Variants in RAB27B observed in about 807,000 individuals in gnomAD.
RAB27B encodes the protein RAB27B, member RAS oncogene family.
Under a neutral mutation model 24.6 loss-of-function variants are expected in RAB27B, and 15 were observed. The ratio of observed to expected loss-of-function variants is 0.61; its 90% CI spans 0.41 to 0.94. The LOEUF is 0.94. Ranked by LOEUF, RAB27B falls within the 40% of genes least tolerant of loss-of-function variation. The pLI is 0.00. For synonymous variants in RAB27B, 105 were observed against 92.5 expected (o/e 1.14, Z -0.78); for missense variants, 261 against 266.8 (o/e 0.98, Z 0.15).
intron 2 of RAB27B, among the ~76,000 whole-genome samples, chr18:54,758,121 A>C (rs1908066217): frequency 1.3e-5 from 2 of 152,206 alleles, no homozygotes; most frequent in African/African-American, 4.8e-5. Context: ...TTTTCTAGAC[A>C]ATGTGTTGCC....
intron 2 of RAB27B, among the ~76,000 whole-genome samples, chr18:54,737,252 AG>A (rs1909925105): frequency 6.6e-6 from 1 of 152,182 alleles, no homozygotes; most frequent in South Asian, 2.1e-4. Flanking sequence ...GGATGGGTTA[AG>A]AGTTAAATCT....
chr18:54,841,173 GTGAGA>G (rs1449710052), intron 1 of RAB27B, among the ~76,000 whole-genome samples: 7 of 95,312 alleles, frequency 7.3e-5, no homozygotes, highest in African/African-American at 1.5e-4. Flanking sequence ...GGGGGGTTTG[GTGAGA>G]GGGGCGGGAA....
intron 2 of RAB27B, chr18:54,744,870 GA>G: frequency 4.7e-6 from 1 of 214,406 alleles, no homozygotes; most frequent in Non-Finnish European, 9.9e-6. Context: ...TCTGCAAAAG[GA>G]AAAGTGATGG....
chr18:54,876,754 T>C (rs962844430), intron 1 of RAB27B, among the ~76,000 whole-genome samples: 2 of 152,196 alleles, frequency 1.3e-5, no homozygotes, highest in African/African-American at 4.8e-5. Context: ...CCTGCATGGA[T>C]AGATGCAAAA....
intron 1 of RAB27B, among the ~76,000 whole-genome samples, chr18:54,875,838 A>G (rs1912673915): frequency 6.6e-6 from 1 of 152,278 alleles, no homozygotes; most frequent in South Asian, 2.1e-4. Flanking sequence ...TTCAGTTTTG[A>G]TTGGTGACTA....
chr18:54,799,063 T>C (rs1205606697), intron 2 of RAB27B, among the ~76,000 whole-genome samples: 1 of 152,218 alleles, frequency 6.6e-6, no homozygotes, highest in Non-Finnish European at 1.5e-5. Context: ...GATCTCTTCC[T>C]GGAAACAATT....
intron 1 of RAB27B, among the ~76,000 whole-genome samples, chr18:54,863,991 A>G (rs752525180): frequency 7.2e-5 from 11 of 152,174 alleles, no homozygotes; most frequent in Non-Finnish European, 1.6e-4. Context: ...CAAATCTTTG[A>G]GTGAATATAT....
At chr18:54,869,754 G>T (rs139102664) in intron 1 of RAB27B, among the ~76,000 whole-genome samples, 38 of 152,110 alleles carry the variant, frequency 2.5e-4, no homozygotes, top group Admixed American at 6.5e-4. Context: ...CCACAAATAG[G>T]TTCAAATATA....
chr18:54,757,789 A>G (rs1207535919), intron 2 of RAB27B, among the ~76,000 whole-genome samples: 2 of 152,076 alleles, frequency 1.3e-5, no homozygotes, highest in Non-Finnish European at 2.9e-5. Context: ...GTAAAATTTG[A>G]GAAAGCCTCT....
rs1912829642 is a variant in RAB27B, at chr18:54,879,363, T to C, written c.154-6T>C. The C allele has an allele frequency of 1.2e-6, 2 of 1,606,538 alleles. No individual in the cohort carries two copies. The highest frequency in any genetic ancestry group is 8.5e-7 in the Non-Finnish European group (1 of 1,173,358). On this transcript the variant is annotated splice_region_variant and splice_polypyrimidine_tract_variant and intron_variant, in intron 2 of 5. Transcript: ENST00000262094. ...AACCTCAACTAATGAACGTTGTATC[T>C]TTCAGGTTTATAATGCACAAGGACC...
intron 1 of RAB27B, among the ~76,000 whole-genome samples, chr18:54,848,537 G>T (rs1911429244): frequency 6.6e-6 from 1 of 152,154 alleles, no homozygotes; most frequent in African/African-American, 2.4e-5. Context: ...GTTTATAAAA[G>T]ATATAAACCA....
chr18:54,865,571 T>C (rs1197143190), intron 1 of RAB27B, among the ~76,000 whole-genome samples: 1 of 152,188 alleles, frequency 6.6e-6, no homozygotes, highest in Non-Finnish European at 1.5e-5. Context: ...AGCCAAATTT[T>C]CCCCTTCCTT....
At chr18:54,824,435 G>A (rs886857717), upstream of RAB27B, among the ~76,000 whole-genome samples, 2 of 152,192 alleles carry the variant, frequency 1.3e-5, no homozygotes, top group Non-Finnish European at 2.9e-5. Flanking sequence ...TCTAGCTCAT[G>A]TGGTAGTCCA....
chr18:54,774,145 C>A (rs1272051442), intron 2 of RAB27B, among the ~76,000 whole-genome samples: 1 of 152,194 alleles, frequency 6.6e-6, no homozygotes, highest in Non-Finnish European at 1.5e-5. Flanking sequence ...TACTCTCAAC[C>A]AGCATTCTAC....
rs541150826 is a variant in RAB27B at position 54,828,811 on chromosome 18, T to A, written c.-20+111T>A. ...AGGCCTCTGTGTGTGTGTGTGTGCA[T>A]GTGTGAGTGCGTGTGCACCTTCGAT... On this transcript the variant is annotated intron_variant, in intron 1 of 5. Transcript: ENST00000262094. The A allele has an allele frequency of 4.6e-5, 7 of 152,612 alleles. No homozygotes were observed. The South Asian group carries it at 8.3e-4, about 18-fold the overall frequency. The allele number at this position is 152,612 out of a possible 1,614,324, so 9.5% of individuals were successfully genotyped here.
rs116437933 is a variant in RAB27B at position 54,722,197 on chromosome 18, G to A, written c.-20+4056G>A. On this transcript the variant is annotated intron_variant, in intron 2 of 4. Coordinates refer to the RAB27B transcript ENST00000586570. The stretch of plus-strand genomic sequence containing the variant: ...TTGATTGTTTTACCACTCCTGTACC[G>A]CTTTCTTTAAATTTTTTGGGTGAAT... Among the ~76,000 whole-genome samples the A allele has an allele frequency of 7.8e-3, 1,190 of 152,198 alleles. 19 individuals are homozygous for A. The highest frequency in any genetic ancestry group is 0.027 in the African/African-American group (1,110 of 41,518).
At chr18:54,838,921 T>G (rs1910999852) in intron 1 of RAB27B, among the ~76,000 whole-genome samples, 1 of 152,138 alleles carries the variant, frequency 6.6e-6, no homozygotes, top group Admixed American at 6.5e-5. Context: ...ATCAATGTGT[T>G]TTTTCTTGTG....
intron 1 of RAB27B, among the ~76,000 whole-genome samples, chr18:54,835,565 C>T (rs4800976): frequency 0.64 from 96,897 of 151,736 alleles, 33,489 homozygotes; most frequent in East Asian, 0.91. Context: ...GCAAAACATA[C>T]GTTACAGGAA....
chr18:54,791,810 G>A (rs374590150), intron 2 of RAB27B, among the ~76,000 whole-genome samples: 16 of 152,308 alleles, frequency 1.1e-4, no homozygotes, highest in South Asian at 8.3e-4. Flanking sequence ...CATCTAGAGC[G>A]CACGCTGGCT....
Sources: allele counts gnomAD v4.1 joint callset (sites outside exome capture counted in the v4.1 genomes callset), GRCh38; gene constraint gnomAD v4.1.1; transcripts MANE v1.5; gene names NCBI Gene and HGNC (gene_info 2026-07-23, HGNC 2026-07-21).